SRBD1: variants seen among roughly 807,000 people sequenced by gnomAD.
SRBD1 encodes S1 RNA-binding domain-containing protein 1.
SRBD1 carries 88 observed loss-of-function variants against 115.3 expected under a neutral mutation model. The ratio of observed to expected loss-of-function variants is 0.76; its 90% CI spans 0.64 to 0.91. The LOEUF (loss-of-function observed/expected upper bound fraction) is 0.91. SRBD1 is among the 40% of genes least tolerant of loss of function. The probability of loss-of-function intolerance (pLI) is 0.00; values close to 1 mark genes in which losing one functional copy is unlikely to be tolerated. For synonymous variants in SRBD1, 509 were observed against 407.7 expected (o/e 1.25, Z -2.99); for missense variants, 1,385 against 1,177.4 (o/e 1.18, Z -2.58).
chr2:45,418,545 G>GAAA lies in SRBD1; in HGVS notation c.2157-7_2157-5dup. ...GGCATTGAGTCCTGCAATATGCCTA[G>GAAA]AAAAAAAAAATAAGCAAACTGAAAA... is the stretch of plus-strand genomic sequence containing the variant. On this transcript the variant is annotated splice_region_variant and splice_polypyrimidine_tract_variant and intron_variant, in intron 17 of 20. Transcript: ENST00000263736. 1 of 1,327,788 alleles carries GAAA rather than the reference G, an allele frequency of 7.5e-7. No homozygotes were observed. The highest frequency in any genetic ancestry group is 1.4e-5 in the South Asian group (1 of 72,176). The allele number at this position is 1,327,788 out of a possible 1,614,324, so 82.3% of individuals were successfully genotyped here. A position where few individuals can be genotyped will look rare whatever the true frequency, so the allele number is the denominator to read the frequency against.
At chr2:45,419,664 A>G in intron 17 of SRBD1, 124 bp downstream of exon 17, 1 of 734,444 alleles carries the variant, frequency 1.4e-6, no homozygotes, top group Non-Finnish European at 2.4e-6. Flanking sequence ...AAAGCAATGT[A>G]TAAACCCATA....
chr2:45,462,393 C>A (rs908456204), intron 16 of SRBD1, among the ~76,000 whole-genome samples: 2 of 152,128 alleles, frequency 1.3e-5, no homozygotes, highest in Non-Finnish European at 2.9e-5. Flanking sequence ...TCCCTTCCAA[C>A]AAAACCTAAC....
intron 16 of SRBD1, among the ~76,000 whole-genome samples, chr2:45,444,219 A>C (rs980030140): frequency 5.3e-5 from 8 of 152,180 alleles, no homozygotes; most frequent in Admixed American, 2.0e-4. Context: ...CAGCCTGGGC[A>C]ACATAGTGAG....
intron 15 of SRBD1, 83 bp downstream of exon 15, chr2:45,488,157 G>T: frequency 1.7e-6 from 2 of 1,194,228 alleles, no homozygotes; most frequent in Non-Finnish European, 2.4e-6. Context: ...AATTTTCTTT[G>T]ATATTTAGAA....
intron 14 of SRBD1, among the ~76,000 whole-genome samples, chr2:45,513,421 G>GAA (rs10658092): frequency 0.49 from 71,773 of 145,124 alleles, 18,519 homozygotes; most frequent in Non-Finnish European, 0.61. Flanking sequence ...GCCCCTTAAG[G>GAA]AAAAAAAAAA....
At chr2:45,509,067 C>T (rs1222307486) in intron 14 of SRBD1, among the ~76,000 whole-genome samples, 1 of 152,108 alleles carries the variant, frequency 6.6e-6, no homozygotes, top group Admixed American at 6.5e-5. Flanking sequence ...AAAATTTTTT[C>T]TTTCACTAAA....
At chr2:45,478,531 C>A (rs1669871345) in intron 15 of SRBD1, among the ~76,000 whole-genome samples, 1 of 152,250 alleles carries the variant, frequency 6.6e-6, no homozygotes, top group East Asian at 1.9e-4. Flanking sequence ...GATTCCAAGG[C>A]CTTCACATAA....
At chr2:45,536,510 T>C (rs1039494258) in intron 14 of SRBD1, among the ~76,000 whole-genome samples, 6 of 152,140 alleles carry the variant, frequency 3.9e-5, no homozygotes, top group Admixed American at 2.6e-4. Context: ...AATTGGCCTA[T>C]TAAAAACCTT....
chr2:45,414,834 G>A (rs1442227770), intron 18 of SRBD1, among the ~76,000 whole-genome samples: 2 of 145,382 alleles, frequency 1.4e-5, no homozygotes, highest in Non-Finnish European at 1.5e-5. Flanking sequence ...TATATAGTAT[G>A]TACACACACA....
intron 16 of SRBD1, among the ~76,000 whole-genome samples, chr2:45,428,712 G>A (rs971114392): frequency 7.2e-5 from 11 of 152,030 alleles, no homozygotes; most frequent in Non-Finnish European, 1.0e-4. Flanking sequence ...AGGGGAAAGT[G>A]GGAAAGATCT....
chr2:45,589,026 T>C (rs1673634154), intron 4 of SRBD1, among the ~76,000 whole-genome samples: 1 of 152,188 alleles, frequency 6.6e-6, no homozygotes, highest in South Asian at 2.1e-4. Flanking sequence ...TTATAAAATG[T>C]CTGTTCCCTC....
chr2:45,480,377 T>C (rs1417997549), intron 15 of SRBD1, among the ~76,000 whole-genome samples: 7 of 152,160 alleles, frequency 4.6e-5, no homozygotes. Context: ...ACATTCATAA[T>C]TCATGGGAGG....
intron 19 of SRBD1, among the ~76,000 whole-genome samples, chr2:45,399,805 ACT>A (rs1178950238): frequency 6.6e-6 from 1 of 152,110 alleles, no homozygotes; most frequent in East Asian, 1.9e-4. Flanking sequence ...AAGGCTACAG[ACT>A]CTCTACAGCT....
chr2:45,444,179 G>A (rs1225668413), intron 16 of SRBD1, among the ~76,000 whole-genome samples: 1 of 152,186 alleles, frequency 6.6e-6, no homozygotes, highest in African/African-American at 2.4e-5. Flanking sequence ...GACAAGGCGT[G>A]AGGATCTCTT....
intron 14 of SRBD1, among the ~76,000 whole-genome samples, chr2:45,512,410 G>T (rs1377060010): frequency 1.3e-5 from 2 of 152,100 alleles, no homozygotes; most frequent in African/African-American, 4.8e-5. Flanking sequence ...CTTACCCAAT[G>T]AAAAGAAAAA....
intron 14 of SRBD1, among the ~76,000 whole-genome samples, chr2:45,494,765 T>C (rs1318543134): frequency 2.0e-5 from 3 of 152,072 alleles, no homozygotes; most frequent in Non-Finnish European, 4.4e-5. Flanking sequence ...GTAGCATGTA[T>C]GAAAAAGTAC....
At chr2:45,560,349 G>A (rs910714585) in intron 10 of SRBD1, among the ~76,000 whole-genome samples, 2 of 152,106 alleles carry the variant, frequency 1.3e-5, no homozygotes, top group African/African-American at 4.8e-5. Context: ...CTGATACTGA[G>A]TATTATGAAT....
At chr2:45,419,764 T>C (rs774807353) in intron 17 of SRBD1, 24 bp downstream of exon 17, 7 of 1,604,976 alleles carry the variant, frequency 4.4e-6, no homozygotes, top group African/African-American at 2.7e-5. Context: ...GATTCTGTGA[T>C]CTTCAGCCAC....
At chr2:45,418,577 C>A in intron 17 of SRBD1, 36 bp from the exon 18 acceptor site, 3 of 1,550,360 alleles carry the variant, frequency 1.9e-6, no homozygotes, top group East Asian at 2.4e-5. Flanking sequence ...AAAAAAAGAT[C>A]TCATCTGAAA....
Sources: gnomAD v4.1 joint callset for allele counts (sites outside exome capture counted in the v4.1 genomes callset) on GRCh38, gnomAD v4.1.1 for gene constraint, MANE v1.5 for transcripts, NCBI Gene and HGNC (gene_info 2026-07-23, HGNC 2026-07-21) for gene names.